The following TAF4B variants were observed in gnomAD, a reference collection of about 807,000 sequenced individuals.
TAF4B encodes TATA-box binding protein associated factor 4b.
TAF4B carries 38 observed loss-of-function variants against 86.4 expected under a neutral mutation model. That is an observed-to-expected ratio of 0.44 (90% CI 0.34 to 0.58). The LOEUF is 0.58. TAF4B is among the 20% of genes least tolerant of loss of function. TAF4B has a pLI of 0.02. For missense variants in TAF4B, 988 were observed against 1,027.6 expected, an observed-to-expected ratio of 0.96 and a Z score of 0.53; for synonymous variants, 388 against 391.2, an observed-to-expected ratio of 0.99 and a Z score of 0.10.
chr18:26,368,115 A>T (rs2144334178), intron 14 of TAF4B, among the ~76,000 whole-genome samples: 1 of 152,374 alleles, frequency 6.6e-6, no homozygotes, highest in Non-Finnish European at 1.5e-5. Context: ...TACTTAGATT[A>T]TAAAACATTT....
chr18:26,242,277 G>T (rs892818861), intron 1 of TAF4B, among the ~76,000 whole-genome samples: 3 of 152,104 alleles, frequency 2.0e-5, no homozygotes, highest in Admixed American at 1.3e-4. Context: ...TCCTGTATTG[G>T]GTGCATATAT....
At chr18:26,289,288 A>G (rs764622378) in intron 7 of TAF4B, among the ~76,000 whole-genome samples, 10 of 152,248 alleles carry the variant, frequency 6.6e-5, no homozygotes, top group Non-Finnish European at 1.2e-4. Flanking sequence ...AAAATAACGT[A>G]TTCCATGCAG....
At chr18:26,365,194 A>G (rs2057363869) in intron 14 of TAF4B, among the ~76,000 whole-genome samples, 1 of 151,798 alleles carries the variant, frequency 6.6e-6, no homozygotes, top group Admixed American at 6.6e-5. Context: ...TTTAGTACAG[A>G]TGGGATTTCA....
chr18:26,274,475 G>C (rs1410705496), intron 3 of TAF4B, among the ~76,000 whole-genome samples, 188 bp from the exon 4 acceptor site: 2 of 152,106 alleles, frequency 1.3e-5, no homozygotes, highest in Non-Finnish European at 2.9e-5. Context: ...ATAGTAGATG[G>C]GGTGAGAATG....
rs80167947 is a variant in TAF4B, at chr18:26,357,883, T to C, written c.2421+89T>C. 2.9e-3 allele frequency: 2,402 copies of C among 826,018 alleles called. 24 individuals are homozygous for C. In the African/African-American group the frequency reaches 0.035, roughly 12 times the overall value. The allele number at this position is 826,018 out of a possible 1,614,324, so 51.2% of individuals were successfully genotyped here. On this transcript the variant is annotated intron_variant, in intron 14 of 14. Transcript: ENST00000269142. ...GACTTAAAAATAGTTTACCCTGTTA[T>C]GCACGCTGTTGCTGCCAGACACTTC...
At chr18:26,238,180 GAC>G (rs1034064765) in intron 1 of TAF4B, among the ~76,000 whole-genome samples, 1 of 152,122 alleles carries the variant, frequency 6.6e-6, no homozygotes, top group Non-Finnish European at 1.5e-5. Context: ...GGGCCTTATT[GAC>G]ACATTTTCGA....
chr18:26,310,803 T>C (rs2056846935), intron 9 of TAF4B, among the ~76,000 whole-genome samples: 1 of 152,166 alleles, frequency 6.6e-6, no homozygotes. Flanking sequence ...ACCACTTTTT[T>C]TCAGTTTCTT....
rs1268220228 is a variant in TAF4B, at chr18:26,227,166, C to G, written c.233C>G (p.Ala78Gly). The G allele has an allele frequency of 6.2e-7, 1 of 1,614,156 alleles. No homozygotes were observed. The highest frequency in any genetic ancestry group is 8.5e-7 in the Non-Finnish European group (1 of 1,180,024). Residue 78 changes from alanine to glycine, a missense_variant, in exon 1 of 15, where the codon GCC becomes GGC. By Grantham distance (60) the Ala-to-Gly change is moderately conservative. Transcript: ENST00000269142. ...GTGACCAAAGTGGCTCCGGTCAGCG[C>G]CCCTCCTAAAGTCAGCAGCGGCCCT... Reference protein sequence around the residue: ...TLVTKVAPVSAPPKVSSGPRL... With the variant: ...TLVTKVAPVSGPPKVSSGPRL...
At chr18:26,346,823 G>A (rs1187663167) in intron 13 of TAF4B, among the ~76,000 whole-genome samples, 344 of 14,906 alleles carry the variant, frequency 0.023, 33 homozygotes, top group African/African-American at 0.039. Flanking sequence ...ATATGTGTGT[G>A]TATATATATA....
chr18:26,286,573 G>A, intron 7 of TAF4B, 74 bp downstream of exon 7: 1 of 1,469,912 alleles, frequency 6.8e-7, no homozygotes, highest in Non-Finnish European at 9.1e-7. Flanking sequence ...GGTAAGACTA[G>A]TAGAAAACTA....
At chr18:26,271,265 A>G (rs1276900243) in intron 3 of TAF4B, among the ~76,000 whole-genome samples, 1 of 152,230 alleles carries the variant, frequency 6.6e-6, no homozygotes, top group Non-Finnish European at 1.5e-5. Flanking sequence ...AGAACTAGTT[A>G]GAAATCTTGT....
chr18:26,364,723 A>G (rs1273531517), intron 14 of TAF4B, among the ~76,000 whole-genome samples: 3 of 127,180 alleles, frequency 2.4e-5, no homozygotes, highest in Non-Finnish European at 5.3e-5. Flanking sequence ...TTTTGGAGCT[A>G]TGAAAGTATT....
At position 26,238,590 on chromosome 18, in the gene TAF4B, C is replaced by CT. The variant is rs200019637; in HGVS notation, c.343+11324dup. ...ATAAGTAATGAACTAATATTTATAC[C>CT]TTTTTTTTTTAAATTATACTTTAAG... On this transcript the variant is annotated intron_variant, in intron 1 of 14. Transcript: ENST00000269142. Among the ~76,000 whole-genome samples the CT allele has an allele frequency of 7.6e-4, 113 of 148,130 alleles. 1 individual carries two copies. In the East Asian group the frequency reaches 9.4e-3, roughly 12 times the overall value.
intron 13 of TAF4B, among the ~76,000 whole-genome samples, chr18:26,338,269 G>A (rs1039335401): frequency 6.6e-6 from 1 of 151,906 alleles, no homozygotes; most frequent in Non-Finnish European, 1.5e-5. Flanking sequence ...GCAACATGAT[G>A]AAACCCTGTC....
At chr18:26,229,163 A>C (rs1019141907) in intron 1 of TAF4B, among the ~76,000 whole-genome samples, 2 of 152,202 alleles carry the variant, frequency 1.3e-5, no homozygotes, top group African/African-American at 4.8e-5. Flanking sequence ...AACTTGGCAG[A>C]GTTAAAATAA....
chr18:26,346,578 C>T (rs987050193), intron 13 of TAF4B, among the ~76,000 whole-genome samples: 11 of 150,312 alleles, frequency 7.3e-5, no homozygotes, highest in African/African-American at 1.5e-4. Context: ...AAGTCAAAGT[C>T]GATTCTAAAA....
At chr18:26,350,000 G>A (rs933993912) in intron 13 of TAF4B, among the ~76,000 whole-genome samples, 2 of 152,060 alleles carry the variant, frequency 1.3e-5, no homozygotes, top group African/African-American at 4.8e-5. Flanking sequence ...CTGGGAAAGC[G>A]GGCATCCATA....
At chr18:26,310,532 A>G (rs2056843338) in intron 9 of TAF4B, among the ~76,000 whole-genome samples, 1 of 152,228 alleles carries the variant, frequency 6.6e-6, no homozygotes, top group Non-Finnish European at 1.5e-5. Flanking sequence ...TGTGGTAGAG[A>G]GGCTCTGCTT....
At chr18:26,359,273 T>A (rs1246754623) in intron 14 of TAF4B, among the ~76,000 whole-genome samples, 1 of 152,222 alleles carries the variant, frequency 6.6e-6, no homozygotes, top group Non-Finnish European at 1.5e-5. Context: ...CAATGGACAT[T>A]TAGGTTGTTT....
Sources: gnomAD v4.1 joint callset for allele counts (sites outside exome capture counted in the v4.1 genomes callset) on GRCh38, gnomAD v4.1.1 for gene constraint, MANE v1.5 for transcripts, NCBI Gene and HGNC (gene_info 2026-07-23, HGNC 2026-07-21) for gene names.